Variants in DOCK1 observed in about 807,000 individuals in gnomAD.
The protein encoded by DOCK1 is dedicator of cytokinesis protein 1.
In DOCK1, 138 loss-of-function variants were observed where a neutral mutation model predicts 262.7. The observed-to-expected ratio is 0.53, with a 90% confidence interval of 0.46 to 0.61. The LOEUF is 0.61. Ranked by LOEUF, DOCK1 falls within the 20% of genes least tolerant of loss-of-function variation. The pLI, the probability that DOCK1 is intolerant of heterozygous loss-of-function variation, is 0.00. For missense variants in DOCK1, 1,908 were observed against 2,370.7 expected (o/e 0.80, Z 4.05); for synonymous variants, 866 against 867.4 (o/e 1.00, Z 0.03).
chr10:126,949,095 G>C (rs1037395904), intron 1 of DOCK1, among the ~76,000 whole-genome samples: 1 of 152,112 alleles, frequency 6.6e-6, no homozygotes, highest in South Asian at 2.1e-4. Context: ...GTTCTGCTGG[G>C]GGGAGGTGCA....
chr10:127,112,135 C>A (rs1258352542), intron 25 of DOCK1, among the ~76,000 whole-genome samples: 1 of 152,006 alleles, frequency 6.6e-6, no homozygotes, highest in Non-Finnish European at 1.5e-5. Context: ...CCTCAGCCTC[C>A]TGAGTAGCTG....
intron 27 of DOCK1, among the ~76,000 whole-genome samples, chr10:127,222,876 T>C (rs2058493999): frequency 6.6e-6 from 1 of 152,164 alleles, no homozygotes; most frequent in Non-Finnish European, 1.5e-5. Context: ...TAGGTCTCAC[T>C]GTGTTGCCCA....
intron 31 of DOCK1, among the ~76,000 whole-genome samples, chr10:127,349,735 A>G (rs1209966020): frequency 6.6e-6 from 1 of 152,116 alleles, no homozygotes; most frequent in Non-Finnish European, 1.5e-5. Context: ...GGGAGAAGCT[A>G]TTCCCTGCCT....
intron 29 of DOCK1, among the ~76,000 whole-genome samples, chr10:127,282,709 G>T (rs890608146): frequency 1.3e-5 from 2 of 152,220 alleles, no homozygotes; most frequent in Non-Finnish European, 2.9e-5. Flanking sequence ...TCTTGGTTGG[G>T]TAACAAGCAT....
chr10:127,197,337 GAA>G (rs2057244292), intron 27 of DOCK1, among the ~76,000 whole-genome samples: 2 of 152,188 alleles, frequency 1.3e-5, no homozygotes, highest in South Asian at 4.1e-4. Flanking sequence ...CTTGGGAGAG[GAA>G]AAGACCTAGG....
At chr10:127,282,707 G>A (rs1050523868) in intron 29 of DOCK1, among the ~76,000 whole-genome samples, 22 of 152,340 alleles carry the variant, frequency 1.4e-4, no homozygotes, top group African/African-American at 5.3e-4. Flanking sequence ...CCTCTTGGTT[G>A]GGTAACAAGC....
chr10:127,316,203 A>G (rs1215039114), intron 29 of DOCK1, among the ~76,000 whole-genome samples: 1 of 152,178 alleles, frequency 6.6e-6, no homozygotes, highest in Non-Finnish European at 1.5e-5. Flanking sequence ...GCAAATTTCC[A>G]GCATATGATA....
chr10:127,052,198 C>T (rs1234824840), intron 21 of DOCK1, among the ~76,000 whole-genome samples: 1 of 152,192 alleles, frequency 6.6e-6, no homozygotes, highest in Admixed American at 6.5e-5. Context: ...CCTTTGCTCT[C>T]AGAGGTATTT....
chr10:127,095,682 T>TGTGTGTGTGTGTGTGA (rs1428070281), intron 23 of DOCK1, among the ~76,000 whole-genome samples: 1 of 151,900 alleles, frequency 6.6e-6, no homozygotes, highest in Non-Finnish European at 1.5e-5. Context: ...TGTGTGTGTG[T>TGTGTGTGTGTGTGTGA]GTGTGTGTGA....
chr10:127,360,141 G>C (rs190444085), intron 32 of DOCK1, among the ~76,000 whole-genome samples: 23 of 152,282 alleles, frequency 1.5e-4, no homozygotes, highest in Admixed American at 5.9e-4. Context: ...TTTTAGAAAG[G>C]AGTCTTCCAG....
intron 8 of DOCK1, among the ~76,000 whole-genome samples, chr10:126,999,034 A>T (rs940199662): frequency 6.6e-6 from 1 of 152,180 alleles, no homozygotes; most frequent in African/African-American, 2.4e-5. Flanking sequence ...TGAAATAAAC[A>T]TGCATTGTGC....
chr10:127,347,776 C>T (rs182987603), intron 31 of DOCK1, among the ~76,000 whole-genome samples: 1 of 149,812 alleles, frequency 6.7e-6, no homozygotes, highest in East Asian at 2.0e-4. Flanking sequence ...CTGTCTCTTA[C>T]TCTAGGGCTT....
chr10:127,395,410 A>G (rs2066763180), intron 38 of DOCK1, among the ~76,000 whole-genome samples: 1 of 152,184 alleles, frequency 6.6e-6, no homozygotes, highest in South Asian at 2.1e-4. Flanking sequence ...CTCCACCGTC[A>G]TGACCTAATC....
At chr10:127,390,013 C>CA (rs34641283) in intron 38 of DOCK1, among the ~76,000 whole-genome samples, 20 of 7,956 alleles carry the variant, frequency 2.5e-3, no homozygotes, top group Admixed American at 0.011. Flanking sequence ...CTGTCTCAAA[C>CA]AAAAAAAAAA....
At chr10:127,124,210 C>G (rs1313211455) in intron 25 of DOCK1, among the ~76,000 whole-genome samples, 1 of 152,194 alleles carries the variant, frequency 6.6e-6, no homozygotes, top group Admixed American at 6.5e-5. Flanking sequence ...ATGTTGCATG[C>G]TTATAGTTTT....
chr10:126,979,127 C>T (rs1262579768), intron 3 of DOCK1, among the ~76,000 whole-genome samples: 1 of 152,142 alleles, frequency 6.6e-6, no homozygotes, highest in African/African-American at 2.4e-5. Context: ...TGACCTATAG[C>T]CTTGAAGTTT....
intron 1 of DOCK1, among the ~76,000 whole-genome samples, chr10:126,933,431 A>T (rs1365378099): frequency 1.3e-5 from 2 of 152,264 alleles, no homozygotes; most frequent in East Asian, 3.9e-4. Context: ...TGTCCTCTAG[A>T]GCTGGGTTGC....
chr10:127,150,430 G>T (rs2052379395), intron 27 of DOCK1, among the ~76,000 whole-genome samples: 1 of 152,180 alleles, frequency 6.6e-6, no homozygotes, highest in Non-Finnish European at 1.5e-5. Context: ...ACAGACCAGT[G>T]CTTGGTAGTC....
intron 13 of DOCK1, 142 bp downstream of exon 13, chr10:127,018,977 G>A (rs1209692973): frequency 7.8e-7 from 1 of 1,274,950 alleles, no homozygotes; most frequent in African/African-American, 1.5e-5. Flanking sequence ...GCCCCAGCAT[G>A]GTTATGGATC....
Sources: gnomAD v4.1 joint callset for allele counts (sites outside exome capture counted in the v4.1 genomes callset) on GRCh38, gnomAD v4.1.1 for gene constraint, MANE v1.5 for transcripts, NCBI Gene and HGNC (gene_info 2026-07-23, HGNC 2026-07-21) for gene names.